DNM3: variants seen among roughly 807,000 people sequenced by gnomAD.
The protein encoded by DNM3 is dynamin 3.
In DNM3, 47 loss-of-function variants were observed where a neutral mutation model predicts 101.6. The ratio of observed to expected loss-of-function variants is 0.46; its 90% CI spans 0.37 to 0.59. The LOEUF (loss-of-function observed/expected upper bound fraction) is 0.59. Ranked by LOEUF, DNM3 falls within the 20% of genes least tolerant of loss-of-function variation. The pLI is 0.00. For synonymous variants in DNM3, 385 were observed against 387.9 expected, an observed-to-expected ratio of 0.99 and a Z score of 0.09; for missense variants, 849 against 1,085.7, an observed-to-expected ratio of 0.78 and a Z score of 3.06.
At chr1:172,401,431 AT>A (rs2070475633) in intron 20 of DNM3, among the ~76,000 whole-genome samples, 1 of 152,170 alleles carries the variant, frequency 6.6e-6, no homozygotes, top group Non-Finnish European at 1.5e-5. Flanking sequence ...AGCAGATTAT[AT>A]TACCATTTAT....
chr1:171,891,320 A>C (rs2037258806), intron 1 of DNM3, among the ~76,000 whole-genome samples: 1 of 150,596 alleles, frequency 6.6e-6, no homozygotes, highest in Non-Finnish European at 1.5e-5. Flanking sequence ...GTTTTAGATT[A>C]ATAGAAAAAA....
At chr1:171,905,808 A>G (rs964332396) in intron 1 of DNM3, among the ~76,000 whole-genome samples, 1 of 152,182 alleles carries the variant, frequency 6.6e-6, no homozygotes, top group African/African-American at 2.4e-5. Flanking sequence ...GAAAATCATC[A>G]TGGAGACTAG....
chr1:172,403,953 A>C (rs1046979771), intron 20 of DNM3, among the ~76,000 whole-genome samples: 2 of 152,202 alleles, frequency 1.3e-5, no homozygotes, highest in Non-Finnish European at 2.9e-5. Context: ...TTTAACAGTA[A>C]ACTTTAAATG....
At chr1:171,917,651 A>C (rs1434121283) in intron 1 of DNM3, among the ~76,000 whole-genome samples, 2 of 152,212 alleles carry the variant, frequency 1.3e-5, no homozygotes, top group African/African-American at 2.4e-5. Context: ...TCAACCACAA[A>C]TAAGGCATTT....
chr1:172,085,430 C>T (rs2053461665), intron 12 of DNM3, among the ~76,000 whole-genome samples: 1 of 152,098 alleles, frequency 6.6e-6, no homozygotes, highest in African/African-American at 2.4e-5. Context: ...TTTCAAACTC[C>T]TCTGCTCTTC....
At chr1:171,894,734 C>T (rs1261475856) in intron 1 of DNM3, among the ~76,000 whole-genome samples, 1 of 152,190 alleles carries the variant, frequency 6.6e-6, no homozygotes, top group African/African-American at 2.4e-5. Flanking sequence ...ATCCCTCTCC[C>T]AGCCCCCGAC....
chr1:171,921,650 G>A (rs1474847367), intron 1 of DNM3, 98 bp from the exon 2 acceptor site: 10 of 918,372 alleles, frequency 1.1e-5, no homozygotes, highest in Non-Finnish European at 3.5e-6. Flanking sequence ...TACATTGAAA[G>A]GTTGGGAATT....
intron 13 of DNM3, among the ~76,000 whole-genome samples, chr1:172,113,153 A>G (rs901770450): frequency 1.3e-5 from 2 of 152,230 alleles, no homozygotes; most frequent in East Asian, 3.8e-4. Flanking sequence ...ATGAGATAAG[A>G]AAGTCAAATT....
intron 14 of DNM3, among the ~76,000 whole-genome samples, chr1:172,165,061 T>C (rs960464110): frequency 6.6e-6 from 1 of 152,064 alleles, no homozygotes; most frequent in Non-Finnish European, 1.5e-5. Flanking sequence ...TCCAGTGTTA[T>C]TAATTGTCCA....
chr1:172,156,796 C>T (rs1312043746), intron 14 of DNM3, among the ~76,000 whole-genome samples: 1 of 151,974 alleles, frequency 6.6e-6, no homozygotes, highest in Non-Finnish European at 1.5e-5. Context: ...ACATATAAAG[C>T]ATTAAAGGAC....
intron 13 of DNM3, among the ~76,000 whole-genome samples, chr1:172,124,153 A>G (rs2056484047): frequency 6.6e-6 from 1 of 152,248 alleles, no homozygotes; most frequent in Non-Finnish European, 1.5e-5. Flanking sequence ...ATAATAAAAT[A>G]TCAACAAACT....
chr1:172,014,460 G>T (rs1366524686), intron 4 of DNM3, among the ~76,000 whole-genome samples: 1 of 152,088 alleles, frequency 6.6e-6, no homozygotes, highest in Non-Finnish European at 1.5e-5. Context: ...ACCAAATTTG[G>T]TATTGTCAGT....
In DNM3 at chr1:172,379,196, A is replaced by G; in HGVS notation, c.2058+14A>G. On this transcript the variant is annotated intron_variant, in intron 18 of 20. Coordinates refer to ENST00000627582, the MANE Select transcript of DNM3 (RefSeq NM_015569.5). ...ATGATCAATAACGTAAGTGATTATA[A>G]ACTACCTCCATTTAACTTCTAACCC... 6.3e-7 allele frequency: 1 copy of G among 1,587,218 alleles called. No individual in the cohort carries two copies. The highest frequency in any genetic ancestry group is 8.6e-7 in the Non-Finnish European group (1 of 1,164,132).
At chr1:172,255,231 G>A (rs2062349784) in intron 15 of DNM3, among the ~76,000 whole-genome samples, 1 of 152,118 alleles carries the variant, frequency 6.6e-6, no homozygotes, top group African/African-American at 2.4e-5. Context: ...AGCAGCTTAT[G>A]AAAACACACT....
chr1:171,975,842 A>G (rs2044328911), intron 2 of DNM3, among the ~76,000 whole-genome samples: 2 of 152,222 alleles, frequency 1.3e-5, no homozygotes, highest in African/African-American at 2.4e-5. Context: ...TACAGGTTCC[A>G]CGGTTTGTGC....
intron 15 of DNM3, among the ~76,000 whole-genome samples, chr1:172,271,312 G>A (rs2063075504): frequency 6.6e-6 from 1 of 151,912 alleles, no homozygotes; most frequent in Non-Finnish European, 1.5e-5. Flanking sequence ...TATATTTATT[G>A]TTAGAAATTA....
chr1:172,408,027 A>G lies in DNM3; in HGVS notation c.*186A>G. 1 of 1,440,772 alleles carries G rather than the reference A, an allele frequency of 6.9e-7. No homozygotes were observed. The highest frequency in any genetic ancestry group is 1.5e-5 in the South Asian group (1 of 68,486). 89.2% of individuals were successfully genotyped at this position (1,440,772 alleles called of 1,614,324 possible). ...ATGTCAAACCTTTGGGGTTTGACTC[A>G]GAAACTGCTAACCTTTTAGAGGCTT... On this transcript the variant is annotated 3_prime_UTR_variant, in exon 21 of 21. Coordinates refer to ENST00000627582, the MANE Select transcript of DNM3 (RefSeq NM_015569.5).
At chr1:172,217,576 T>A (rs550361652) in intron 14 of DNM3, among the ~76,000 whole-genome samples, 7 of 152,162 alleles carry the variant, frequency 4.6e-5, no homozygotes, top group Non-Finnish European at 1.0e-4. Flanking sequence ...TGCCTCTTAT[T>A]CGATCATTTG....
chr1:171,936,876 T>G (rs1571712275), intron 2 of DNM3, among the ~76,000 whole-genome samples: 1 of 152,362 alleles, frequency 6.6e-6, no homozygotes, highest in Admixed American at 6.5e-5. Flanking sequence ...TGATGAATCA[T>G]CACATTCTGG....
Sources: allele counts gnomAD v4.1 joint callset (sites outside exome capture counted in the v4.1 genomes callset), GRCh38; gene constraint gnomAD v4.1.1; transcripts MANE v1.5; gene names NCBI Gene and HGNC (gene_info 2026-07-23, HGNC 2026-07-21).